The following VPS45 variants were observed in gnomAD, a reference collection of about 807,000 sequenced individuals.
VPS45 encodes the protein vacuolar protein sorting-associated protein 45.
Under a neutral mutation model 75.9 loss-of-function variants are expected in VPS45, and 35 were observed. That is an observed-to-expected ratio of 0.46 (90% CI 0.35 to 0.61). The LOEUF (loss-of-function observed/expected upper bound fraction) is 0.61. Ranked by LOEUF, VPS45 falls within the 20% of genes least tolerant of loss-of-function variation. The pLI is 0.00. For synonymous variants in VPS45, 220 were observed against 238.2 expected (o/e 0.92, Z 0.70); for missense variants, 559 against 685.9 (o/e 0.81, Z 2.07).
At chr1:150,128,179 G>A (rs1553811241) in intron 14 of VPS45, among the ~76,000 whole-genome samples, 1 of 151,994 alleles carries the variant, frequency 6.6e-6, no homozygotes, top group African/African-American at 2.4e-5. Flanking sequence ...GTGCGTGCCT[G>A]TGGTCCCAGC....
At position 150,073,917 on chromosome 1, in the gene VPS45, T is replaced by A. The variant is rs149788642; in HGVS notation, c.289+1691T>A. On this transcript the variant is annotated intron_variant, in intron 3 of 14. Transcript: ENST00000644510. The stretch of plus-strand genomic sequence containing the variant: ...TTCGAAGAATGTTCTATAAATGAAA[T>A]CATACAGCATATAATCTTTTGGGAC... Among the ~76,000 whole-genome samples, 1,067 of 152,216 alleles carry A rather than the reference T, an allele frequency of 7.0e-3. 8 individuals are homozygous for A. The highest frequency in any genetic ancestry group is 0.034 in the Middle Eastern group (10 of 294).
intron 1 of VPS45, 133 bp downstream of exon 1, chr1:150,068,083 T>C (rs1654826181): frequency 5.3e-6 from 5 of 943,964 alleles, no homozygotes; most frequent in Non-Finnish European, 6.4e-6. Context: ...AATTGAAAAG[T>C]TGTTTATATA....
chr1:150,105,452 G>C (rs1553805499), intron 13 of VPS45, among the ~76,000 whole-genome samples: 1 of 152,108 alleles, frequency 6.6e-6, no homozygotes, highest in East Asian at 1.9e-4. Flanking sequence ...ATACAAAAAT[G>C]AGTAACATTT....
chr1:150,136,856 A>G (rs1345794443), intron 14 of VPS45, among the ~76,000 whole-genome samples: 3 of 151,444 alleles, frequency 2.0e-5, no homozygotes, highest in Non-Finnish European at 4.4e-5. Context: ...AGTGAGGGGC[A>G]GGATGATCTC....
chr1:150,094,999 T>C (rs1656540797), intron 13 of VPS45, among the ~76,000 whole-genome samples: 1 of 152,242 alleles, frequency 6.6e-6, no homozygotes, highest in Non-Finnish European at 1.5e-5. Flanking sequence ...CACTATAACC[T>C]AAGTATGCAT....
At chr1:150,137,792 G>A (rs1553814205) in intron 14 of VPS45, among the ~76,000 whole-genome samples, 2 of 151,772 alleles carry the variant, frequency 1.3e-5, no homozygotes, top group African/African-American at 4.8e-5. Flanking sequence ...GCGTATTTCT[G>A]TAGTCCCAGC....
chr1:150,070,059 C>G lies in VPS45; in HGVS notation c.228+1295C>G, dbSNP rs73016156. ...CCCCTTGTCCCGTCATGCCACGGGA[C>G]GTTTGCATAGTCTTCTTCCTCTGCC... On this transcript the variant is annotated intron_variant, in intron 2 of 14. Coordinates refer to ENST00000644510, the MANE Select transcript of VPS45 (RefSeq NM_007259.5). Among the ~76,000 whole-genome samples, 1,198 of 152,194 alleles carry G rather than the reference C, an allele frequency of 7.9e-3. 11 individuals carry two copies. Among genetic ancestry groups the G allele is most frequent in the African/African-American group, 0.028 (1,159 of 41,510 alleles).
In VPS45 at chr1:150,120,986, G is replaced by A. The variant is rs374682825; in HGVS notation, c.1625+10359G>A. On this transcript the variant is annotated intron_variant, in intron 14 of 14. Coordinates refer to ENST00000644510, the MANE Select transcript of VPS45 (RefSeq NM_007259.5). Reference sequence around the variant, plus strand: ...GGGTTCACGCCATTCTCCTGCCTCAGCCTCCTGAGTAGCTGGGACTACAGG... The same window carrying A: ...GGGTTCACGCCATTCTCCTGCCTCAACCTCCTGAGTAGCTGGGACTACAGG... 1.1e-4 allele frequency among the ~76,000 whole-genome samples: 17 copies of A among 149,694 alleles called. No homozygotes were observed. The East Asian group carries it at 2.4e-3, about 21-fold the overall frequency.
intron 14 of VPS45, among the ~76,000 whole-genome samples, chr1:150,116,268 C>T (rs972867215): frequency 6.6e-6 from 1 of 152,066 alleles, no homozygotes; most frequent in Non-Finnish European, 1.5e-5. Flanking sequence ...TCAAGGGCAC[C>T]TCTTGAATAT....
Position 150,076,286 on chromosome 1 carries a change from G to A in VPS45, c.343G>A (p.Glu115Lys). ...CGTGAAGTCATTGGCTGAAGCTGATGAACAGGAAGTTGTGGCTGAGGTTCA... is the reference window on the plus strand; with the variant it reads ...CGTGAAGTCATTGGCTGAAGCTGATAAACAGGAAGTTGTGGCTGAGGTTCA... ...SDVKSLAEAD[E>K]QEVVAEVQEF... Residue 115 changes from glutamate to lysine, a missense_variant, in exon 4 of 15, where the codon GAA becomes AAA. Transcript: ENST00000644510. 6.2e-7 allele frequency: 1 copy of A among 1,608,092 alleles called. No individual in the cohort carries two copies. Among genetic ancestry groups the A allele is most frequent in the Non-Finnish European group, 8.5e-7 (1 of 1,176,982 alleles).
intron 14 of VPS45, among the ~76,000 whole-genome samples, chr1:150,139,258 C>T (rs1419133836): frequency 6.6e-6 from 1 of 152,060 alleles, no homozygotes; most frequent in African/African-American, 2.4e-5. Context: ...CCTTATAGCC[C>T]GCTCTACCCA....
In VPS45 at chr1:150,103,536, C is replaced by T. The variant is rs1427994729; in HGVS notation, c.1494-6960C>T. Among the ~76,000 whole-genome samples the T allele has an allele frequency of 2.0e-5, 3 of 152,236 alleles. No homozygotes were observed. The East Asian group carries it at 5.8e-4, about 29-fold the overall frequency. ...TCCCTGTATCTAGGTTTTGTCCTTACATGTATATAACCTACACCCACAGTT... is the reference window on the plus strand; with the variant it reads ...TCCCTGTATCTAGGTTTTGTCCTTATATGTATATAACCTACACCCACAGTT... On this transcript the variant is annotated intron_variant, in intron 13 of 14. Coordinates refer to ENST00000644510, the MANE Select transcript of VPS45 (RefSeq NM_007259.5).
intron 14 of VPS45, among the ~76,000 whole-genome samples, chr1:150,126,649 A>G (rs1571905204): frequency 6.6e-6 from 1 of 152,076 alleles, no homozygotes; most frequent in Non-Finnish European, 1.5e-5. Context: ...TTTATTGTCT[A>G]TGAGTTATAG....
intron 14 of VPS45, among the ~76,000 whole-genome samples, chr1:150,126,357 T>A (rs1553810728): frequency 6.6e-6 from 1 of 152,020 alleles, no homozygotes; most frequent in East Asian, 1.9e-4. Context: ...ACTACAGGCA[T>A]CTGCCACCAT....
In VPS45 at chr1:150,082,864, A is replaced by T. The variant is rs1474289007; in HGVS notation, c.1085A>T (p.Asp362Val). 6.8e-6 allele frequency: 11 copies of T among 1,614,036 alleles called. No individual in the cohort carries two copies. The highest frequency in any genetic ancestry group is 8.5e-6 in the Non-Finnish European group (10 of 1,179,958). ...EVEQELACQNDHSSALQNIKR... is the reference protein window; with the variant it reads ...EVEQELACQNVHSSALQNIKR... The stretch of plus-strand genomic sequence containing the variant: ...GAGCAAGAACTGGCCTGTCAAAATG[A>T]CCATTCTAGTGCTCTCCAGGTCAGT... Residue 362 changes from aspartate to valine, a missense_variant, in exon 10 of 15, where the codon GAC becomes GTC. Physicochemically the swap from Asp to Val is radical, Grantham distance 152. Transcript: ENST00000644510.
chr1:150,089,033 T>G (rs906708405), intron 10 of VPS45, among the ~76,000 whole-genome samples: 1 of 152,194 alleles, frequency 6.6e-6, no homozygotes, highest in African/African-American at 2.4e-5. Context: ...ACCAGTTGTG[T>G]GTAAGGGTTC....
intron 14 of VPS45, among the ~76,000 whole-genome samples, chr1:150,111,919 C>T (rs1430996524): frequency 6.6e-6 from 1 of 152,066 alleles, no homozygotes; most frequent in Non-Finnish European, 1.5e-5. Context: ...TTTCATTTTG[C>T]AGTCTGATGT....
intron 3 of VPS45, among the ~76,000 whole-genome samples, chr1:150,074,246 C>T (rs1655244757): frequency 6.6e-6 from 1 of 151,960 alleles, no homozygotes. Context: ...TGGTCTCAAA[C>T]TCCTGACCTT....
At chr1:150,137,759 T>C (rs1205030628) in intron 14 of VPS45, among the ~76,000 whole-genome samples, 1 of 151,894 alleles carries the variant, frequency 6.6e-6, no homozygotes, top group Non-Finnish European at 1.5e-5. Context: ...TACTAAAATA[T>C]AAAAAATTAG....
Sources: allele counts gnomAD v4.1 joint callset (sites outside exome capture counted in the v4.1 genomes callset), GRCh38; gene constraint gnomAD v4.1.1; transcripts MANE v1.5; gene names NCBI Gene and HGNC (gene_info 2026-07-23, HGNC 2026-07-21).